Variants in CLSTN2 observed in about 807,000 individuals in gnomAD.
CLSTN2 encodes calsyntenin 2.
CLSTN2 carries 48 observed loss-of-function variants against 101.2 expected under a neutral mutation model. The observed-to-expected ratio is 0.47, with a 90% CI of 0.38 to 0.60. The LOEUF is 0.60. Among genes scored for constraint, CLSTN2 ranks in the 20% least tolerant of loss-of-function variants. The pLI is 0.00. For synonymous variants in CLSTN2, 481 were observed against 463.6 expected (o/e 1.04, Z -0.48); for missense variants, 1,160 against 1,238.2 (o/e 0.94, Z 0.95).
intron 1 of CLSTN2, among the ~76,000 whole-genome samples, chr3:140,031,831 C>G (rs1354918367): frequency 6.6e-6 from 1 of 152,164 alleles, no homozygotes; most frequent in Non-Finnish European, 1.5e-5. Context: ...TATTAAGAGG[C>G]AAAGCTGGAT....
intron 2 of CLSTN2, among the ~76,000 whole-genome samples, chr3:140,221,699 A>G (rs768504398): frequency 2.6e-5 from 4 of 152,232 alleles, no homozygotes; most frequent in Non-Finnish European, 4.4e-5. Context: ...TCTCAAAAGA[A>G]GACACATAAA....
intron 4 of CLSTN2, among the ~76,000 whole-genome samples, chr3:140,410,122 C>T (rs932601607): frequency 1.6e-4 from 24 of 151,862 alleles, no homozygotes; most frequent in African/African-American, 5.6e-4. Context: ...AGGTAGAAAG[C>T]TTATTTAAAG....
chr3:140,415,507 A>C (rs866565576), intron 4 of CLSTN2, among the ~76,000 whole-genome samples: 193 of 148,060 alleles, frequency 1.3e-3, no homozygotes, highest in Non-Finnish European at 2.0e-3. Context: ...AAAAAAAAAA[A>C]AAACAAACTG....
At position 140,200,054 on chromosome 3, in the gene CLSTN2, C is replaced by T. The variant is rs150001375; in HGVS notation, c.232+23981C>T. On this transcript the variant is annotated intron_variant, in intron 2 of 16. Transcript: ENST00000458420. ...GGTACCTCCTACAAGGCCTTTAGTCCAGGCATGAAGGCAGTTCAGATTTAA... is the reference window on the plus strand; with the variant it reads ...GGTACCTCCTACAAGGCCTTTAGTCTAGGCATGAAGGCAGTTCAGATTTAA... 1.6e-3 allele frequency among the ~76,000 whole-genome samples: 245 copies of T among 152,212 alleles called. 1 individual carries two copies. The highest frequency in any genetic ancestry group is 2.6e-3 in the Non-Finnish European group (175 of 67,996).
At chr3:140,562,472 A>T (rs1935937338) in intron 13 of CLSTN2, among the ~76,000 whole-genome samples, 164 bp downstream of exon 13, 1 of 152,168 alleles carries the variant, frequency 6.6e-6, no homozygotes, top group South Asian at 2.1e-4. Context: ...CTCCTTTGGC[A>T]AGTTACTCCA....
rs77743680 is a variant in CLSTN2, at chr3:139,957,751, G to A, written c.109+22268G>A. ...GATGTCAGCTGATGGCCCTAAGTCA[G>A]CAGAGGACATGTGCTAGTTTGGGCA... On this transcript the variant is annotated intron_variant, in intron 1 of 16. Transcript: ENST00000458420. 6.0e-3 allele frequency among the ~76,000 whole-genome samples: 907 copies of A among 152,262 alleles called. 8 individuals carry two copies. Among genetic ancestry groups the A allele is most frequent in the African/African-American group, 0.02 (812 of 41,544 alleles).
chr3:140,534,362 C>T (rs2107780573), intron 9 of CLSTN2, among the ~76,000 whole-genome samples: 1 of 152,336 alleles, frequency 6.6e-6, no homozygotes, highest in South Asian at 2.1e-4. Context: ...AAACCCACCC[C>T]CATGTCTGCA....
intron 2 of CLSTN2, among the ~76,000 whole-genome samples, chr3:140,265,583 C>T (rs973326948): frequency 5.9e-5 from 9 of 152,164 alleles, no homozygotes; most frequent in East Asian, 3.9e-4. Flanking sequence ...TGTGATTAAG[C>T]GCAGTTTCAA....
chr3:140,554,173 G>A (rs1450038078), intron 10 of CLSTN2, among the ~76,000 whole-genome samples: 1 of 152,106 alleles, frequency 6.6e-6, no homozygotes, highest in Non-Finnish European at 1.5e-5. Flanking sequence ...AAGCTGGGAG[G>A]CCTTATGAGT....
chr3:140,334,192 T>C (rs1322629578), intron 2 of CLSTN2, among the ~76,000 whole-genome samples: 1 of 152,134 alleles, frequency 6.6e-6, no homozygotes, highest in African/African-American at 2.4e-5. Flanking sequence ...TAAAGGTACA[T>C]CAAGAAAAGC....
chr3:140,411,049 C>T (rs1254381746), intron 4 of CLSTN2, among the ~76,000 whole-genome samples: 2 of 152,070 alleles, frequency 1.3e-5, no homozygotes, highest in Non-Finnish European at 2.9e-5. Context: ...AAACAACCAG[C>T]AAAGGTTGAC....
chr3:140,354,457 T>A (rs1476201324), intron 2 of CLSTN2, among the ~76,000 whole-genome samples: 1 of 152,216 alleles, frequency 6.6e-6, no homozygotes, highest in Non-Finnish European at 1.5e-5. Flanking sequence ...TATGCTTTAT[T>A]TCTGTGTCAC....
At chr3:140,102,505 C>T (rs1349726667) in intron 1 of CLSTN2, among the ~76,000 whole-genome samples, 1 of 152,192 alleles carries the variant, frequency 6.6e-6, no homozygotes, top group Non-Finnish European at 1.5e-5. Flanking sequence ...AGAATCTTGC[C>T]TCTGATTTCA....
chr3:140,450,982 T>C (rs1933234864), intron 6 of CLSTN2, among the ~76,000 whole-genome samples: 1 of 152,100 alleles, frequency 6.6e-6, no homozygotes, highest in Non-Finnish European at 1.5e-5. Flanking sequence ...TTATAAGGGA[T>C]CTGCACTATT....
chr3:140,401,156 A>T (rs1436958459), intron 2 of CLSTN2, among the ~76,000 whole-genome samples: 1 of 152,270 alleles, frequency 6.6e-6, no homozygotes, highest in Non-Finnish European at 1.5e-5. Context: ...TATGAGGTGG[A>T]TGAATAAATG....
At chr3:140,283,108 C>T (rs1012462906) in intron 2 of CLSTN2, among the ~76,000 whole-genome samples, 1 of 152,086 alleles carries the variant, frequency 6.6e-6, no homozygotes, top group Admixed American at 6.5e-5. Context: ...ACATTTATCC[C>T]TTTGGAATTT....
At chr3:140,405,768 T>G (rs2088296347) in intron 4 of CLSTN2, among the ~76,000 whole-genome samples, 1 of 152,210 alleles carries the variant, frequency 6.6e-6, no homozygotes, top group African/African-American at 2.4e-5. Context: ...TTTCAACACC[T>G]TCAACACCTA....
chr3:140,175,384 T>C (rs2010307515), intron 1 of CLSTN2, among the ~76,000 whole-genome samples: 1 of 152,180 alleles, frequency 6.6e-6, no homozygotes, highest in Admixed American at 6.5e-5. Flanking sequence ...CAGAAAATAT[T>C]CAAATATCTG....
intron 2 of CLSTN2, among the ~76,000 whole-genome samples, chr3:140,195,593 G>A (rs1576463087): frequency 2.0e-5 from 3 of 152,328 alleles, no homozygotes; most frequent in Admixed American, 2.0e-4. Flanking sequence ...GCCCAAGGCT[G>A]CCAGATCTTG....
Sources: gnomAD v4.1 joint callset for allele counts (sites outside exome capture counted in the v4.1 genomes callset) on GRCh38, gnomAD v4.1.1 for gene constraint, MANE v1.5 for transcripts, NCBI Gene and HGNC (gene_info 2026-07-23, HGNC 2026-07-21) for gene names.